Variants in ST6GALNAC3 observed in about 807,000 individuals in gnomAD.
ST6GALNAC3 encodes the protein alpha-N-acetylgalactosaminide alpha-2,6-sialyltransferase 3.
Under a neutral mutation model 32.7 loss-of-function variants are expected in ST6GALNAC3, and 25 were observed. The ratio of observed to expected loss-of-function variants is 0.76; its 90% CI spans 0.56 to 1.07. The LOEUF is 1.07. ST6GALNAC3 is among the 50% of genes least tolerant of loss of function. ST6GALNAC3 has a pLI of 0.00. For missense variants in ST6GALNAC3, 355 were observed against 382.4 expected (o/e 0.93, Z 0.60); for synonymous variants, 129 against 133.1 (o/e 0.97, Z 0.21).
chr1:76,205,076 C>A (rs750271129), intron 1 of ST6GALNAC3, among the ~76,000 whole-genome samples: 4 of 152,166 alleles, frequency 2.6e-5, no homozygotes, highest in Admixed American at 1.3e-4. Context: ...CAGGCCAGAT[C>A]TTTTATCTTT....
chr1:76,499,266 C>T (rs879263437), intron 3 of ST6GALNAC3, among the ~76,000 whole-genome samples: 18 of 152,174 alleles, frequency 1.2e-4, no homozygotes, highest in Admixed American at 7.9e-4. Context: ...ACAGCTTTTC[C>T]GGAAGGGAAT....
At chr1:76,426,750 T>G (rs1238966369) in intron 3 of ST6GALNAC3, among the ~76,000 whole-genome samples, 1 of 151,966 alleles carries the variant, frequency 6.6e-6, no homozygotes, top group Non-Finnish European at 1.5e-5. Context: ...GTAGTTTACC[T>G]AAACCAGCAT....
At chr1:76,442,108 T>A (rs544986787) in intron 3 of ST6GALNAC3, among the ~76,000 whole-genome samples, 4 of 152,310 alleles carry the variant, frequency 2.6e-5, no homozygotes, top group Admixed American at 2.6e-4. Flanking sequence ...GAATTGTGTG[T>A]CCTGAGTCAG....
intron 3 of ST6GALNAC3, among the ~76,000 whole-genome samples, chr1:76,466,695 T>C (rs965138223): frequency 2.6e-5 from 4 of 152,088 alleles, no homozygotes; most frequent in African/African-American, 4.8e-5. Flanking sequence ...TTTATACTAG[T>C]GAACAGTTAG....
At chr1:76,420,863 T>A (rs1654984819) in intron 3 of ST6GALNAC3, among the ~76,000 whole-genome samples, 1 of 152,104 alleles carries the variant, frequency 6.6e-6, no homozygotes, top group Non-Finnish European at 1.5e-5. Context: ...ATGAAGCCTC[T>A]TGTAATATCC....
chr1:76,233,988 T>G (rs1656513599), intron 1 of ST6GALNAC3, among the ~76,000 whole-genome samples: 1 of 152,200 alleles, frequency 6.6e-6, no homozygotes, highest in South Asian at 2.1e-4. Context: ...TGAAAACATT[T>G]AAGAATTACT....
intron 3 of ST6GALNAC3, among the ~76,000 whole-genome samples, chr1:76,559,096 C>CT (rs1188079584): frequency 1.3e-5 from 2 of 151,722 alleles, no homozygotes; most frequent in Non-Finnish European, 2.9e-5. Context: ...TATCTTTTTC[C>CT]TTTTTCTCTC....
At chr1:76,446,313 T>G (rs116492170) in intron 3 of ST6GALNAC3, among the ~76,000 whole-genome samples, 1 of 152,086 alleles carries the variant, frequency 6.6e-6, no homozygotes, top group East Asian at 1.9e-4. Flanking sequence ...TTTGCTACAA[T>G]TGATGAACCT....
intron 3 of ST6GALNAC3, among the ~76,000 whole-genome samples, chr1:76,418,566 A>G (rs139470187): frequency 1.9e-4 from 29 of 152,294 alleles, no homozygotes; most frequent in African/African-American, 7.0e-4. Context: ...ACTTCGACCA[A>G]GAGATAATAG....
At chr1:76,477,440 A>G (rs1259379713) in intron 3 of ST6GALNAC3, among the ~76,000 whole-genome samples, 1 of 152,148 alleles carries the variant, frequency 6.6e-6, no homozygotes, top group African/African-American at 2.4e-5. Flanking sequence ...GGTTGGGGTC[A>G]GTCTTAGCAG....
At position 76,412,502 on chromosome 1, in the gene ST6GALNAC3, G is replaced by T. The variant is rs2101307681; in HGVS notation, c.623+85G>T. On this transcript the variant is annotated intron_variant, in intron 3 of 4. Coordinates refer to ENST00000328299, the MANE Select transcript of ST6GALNAC3 (RefSeq NM_152996.4). ...CAATTCCTTTTGCAGGATATAAAATGAACAGTTATTTATTTACGCTGATTG... is the reference window on the plus strand; with the variant it reads ...CAATTCCTTTTGCAGGATATAAAATTAACAGTTATTTATTTACGCTGATTG... 3 of 1,351,310 alleles carry T rather than the reference G, an allele frequency of 2.2e-6. No individual in the cohort carries two copies. In the East Asian group the frequency reaches 7.3e-5, roughly 33 times the overall value. 83.7% of individuals were successfully genotyped at this position (1,351,310 alleles called of 1,614,324 possible).
chr1:76,609,812 C>T (rs1326689900), intron 3 of ST6GALNAC3, among the ~76,000 whole-genome samples: 1 of 151,864 alleles, frequency 6.6e-6, no homozygotes, highest in African/African-American at 2.4e-5. Flanking sequence ...TAATTAGCAC[C>T]CCCCTTGACT....
intron 3 of ST6GALNAC3, among the ~76,000 whole-genome samples, chr1:76,487,637 T>C (rs1340938827): frequency 6.6e-6 from 1 of 152,186 alleles, no homozygotes; most frequent in Non-Finnish European, 1.5e-5. Context: ...CTAATCTTTT[T>C]TCAAGGTTTT....
intron 1 of ST6GALNAC3, among the ~76,000 whole-genome samples, chr1:76,299,690 C>T (rs997802552): frequency 6.6e-6 from 1 of 151,990 alleles, no homozygotes; most frequent in African/African-American, 2.4e-5. Context: ...TCTGTTTCTC[C>T]ACAACTATGT....
chr1:76,158,957 C>G (rs1570247899), intron 1 of ST6GALNAC3, among the ~76,000 whole-genome samples: 1 of 152,156 alleles, frequency 6.6e-6, no homozygotes, highest in Non-Finnish European at 1.5e-5. Flanking sequence ...AGGATCCCCA[C>G]TCAGGCCCTT....
At chr1:76,541,631 ACTTATTG>A (rs1374575385) in intron 3 of ST6GALNAC3, among the ~76,000 whole-genome samples, 1 of 152,154 alleles carries the variant, frequency 6.6e-6, no homozygotes, top group African/African-American at 2.4e-5. Context: ...ATTACTTATT[ACTTATTG>A]CACCCCACTA....
At chr1:76,357,593 C>T (rs1478103425) in intron 2 of ST6GALNAC3, among the ~76,000 whole-genome samples, 4 of 152,180 alleles carry the variant, frequency 2.6e-5, no homozygotes, top group African/African-American at 9.7e-5. Flanking sequence ...GAAATCATCA[C>T]CTCCTCTTTA....
intron 2 of ST6GALNAC3, among the ~76,000 whole-genome samples, chr1:76,316,230 T>C (rs1218124642): frequency 1.3e-5 from 2 of 152,108 alleles, no homozygotes; most frequent in African/African-American, 2.4e-5. Flanking sequence ...CACTGTTGTA[T>C]TGAGCAAAGT....
At chr1:76,291,326 G>A (rs1399177105) in intron 1 of ST6GALNAC3, among the ~76,000 whole-genome samples, 4 of 152,206 alleles carry the variant, frequency 2.6e-5, no homozygotes, top group East Asian at 1.9e-4. Flanking sequence ...CATCAGCCAC[G>A]CCAGCCGAAG....
Sources: allele counts gnomAD v4.1 joint callset (sites outside exome capture counted in the v4.1 genomes callset), GRCh38; gene constraint gnomAD v4.1.1; transcripts MANE v1.5; gene names NCBI Gene and HGNC (gene_info 2026-07-23, HGNC 2026-07-21).